The following LRP1B variants were observed in gnomAD, a reference collection of about 807,000 sequenced individuals.
The protein encoded by LRP1B is low-density lipoprotein receptor-related protein 1B.
A neutral mutation model predicts 556.6 loss-of-function variants in LRP1B; 217 were observed. That is an observed-to-expected ratio of 0.39 (90% CI 0.35 to 0.44). The LOEUF is 0.44. Among genes scored for constraint, LRP1B ranks in the 20% least tolerant of loss-of-function variants. The pLI, the probability that LRP1B is intolerant of heterozygous loss-of-function variation, is 1.00. For missense variants in LRP1B, 5,053 were observed against 5,620.8 expected (o/e 0.90, Z 3.23); for synonymous variants, 2,047 against 1,865.8 (o/e 1.10, Z -2.50).
At chr2:142,106,962 C>T (rs559109230) in intron 1 of LRP1B, among the ~76,000 whole-genome samples, 48 of 151,886 alleles carry the variant, frequency 3.2e-4, no homozygotes, top group African/African-American at 1.1e-3. Context: ...ATAATTATAA[C>T]ATTATACATA....
chr2:142,009,718 T>A (rs77712254), intron 1 of LRP1B, among the ~76,000 whole-genome samples: 2,993 of 152,298 alleles, frequency 0.02, 99 homozygotes, highest in African/African-American at 0.068. Context: ...TCTAAGTTCA[T>A]ATATATGTGT....
chr2:140,455,294 C>T (rs145658802), intron 62 of LRP1B, among the ~76,000 whole-genome samples: 45 of 152,162 alleles, frequency 3.0e-4, no homozygotes, highest in African/African-American at 9.2e-4. Context: ...TTTCAAAGAG[C>T]GGTCAGAACC....
At chr2:141,427,720 C>T (rs1680420565) in intron 3 of LRP1B, among the ~76,000 whole-genome samples, 2 of 151,796 alleles carry the variant, frequency 1.3e-5, no homozygotes, top group Non-Finnish European at 2.9e-5. Flanking sequence ...TTAATTGTTT[C>T]TCAAATTAGC....
intron 66 of LRP1B, among the ~76,000 whole-genome samples, chr2:140,440,885 T>C (rs566817354): frequency 7.9e-5 from 12 of 152,266 alleles, no homozygotes; most frequent in East Asian, 3.9e-4. Context: ...ATTTATGCTA[T>C]ATCCACAGAG....
intron 1 of LRP1B, among the ~76,000 whole-genome samples, chr2:142,037,405 GA>G: frequency 6.6e-6 from 1 of 151,702 alleles, no homozygotes; most frequent in East Asian, 1.9e-4. Context: ...AGCAGGTAGA[GA>G]ATCACTTAAG....
chr2:141,777,476 C>T (rs536079966), intron 2 of LRP1B, among the ~76,000 whole-genome samples: 12 of 151,934 alleles, frequency 7.9e-5, no homozygotes, highest in East Asian at 3.9e-4. Context: ...AGTATGGTGG[C>T]GCAGTCTCGG....
chr2:140,631,319 C>G (rs1182885002), intron 41 of LRP1B, among the ~76,000 whole-genome samples: 1 of 152,150 alleles, frequency 6.6e-6, no homozygotes. Flanking sequence ...ACAAAGCATG[C>G]ATCAGAACTG....
At chr2:141,540,890 C>G (rs754295989) in intron 2 of LRP1B, among the ~76,000 whole-genome samples, 1 of 151,828 alleles carries the variant, frequency 6.6e-6, no homozygotes, top group Non-Finnish European at 1.5e-5. Flanking sequence ...GAATCATGCT[C>G]TACATTTTTA....
intron 4 of LRP1B, among the ~76,000 whole-genome samples, chr2:141,251,418 A>T (rs542768292): frequency 5.2e-4 from 79 of 152,296 alleles, no homozygotes; most frequent in African/African-American, 1.9e-3. Context: ...ATAATAAAGG[A>T]GGAGGGGATG....
intron 2 of LRP1B, among the ~76,000 whole-genome samples, chr2:141,566,487 A>G (rs1686335835): frequency 6.6e-6 from 1 of 152,210 alleles, no homozygotes; most frequent in African/African-American, 2.4e-5. Flanking sequence ...TGAACTGTAT[A>G]TCTTCTATCA....
intron 72 of LRP1B, among the ~76,000 whole-genome samples, chr2:140,361,454 C>G (rs1180668256): frequency 3.5e-5 from 5 of 144,058 alleles, no homozygotes; most frequent in African/African-American, 1.3e-4. Context: ...CTACCTGTAT[C>G]TACATGTAGT....
chr2:140,767,585 T>C (rs1048036904), intron 35 of LRP1B, among the ~76,000 whole-genome samples: 3 of 151,738 alleles, frequency 2.0e-5, no homozygotes, highest in Non-Finnish European at 2.9e-5. Context: ...AAGCAAAAGA[T>C]TTCCTAATGA....
At chr2:140,950,088 GAT>G (rs1695667618) in intron 20 of LRP1B, 145 bp downstream of exon 20, 1 of 508,858 alleles carries the variant, frequency 2.0e-6, no homozygotes, top group East Asian at 3.4e-5. Flanking sequence ...AAAGGAAAGA[GAT>G]AGCAAATGAT....
At chr2:140,855,493 G>GTAAAAAAAAAAAAAAA (rs570169727) in intron 27 of LRP1B, among the ~76,000 whole-genome samples, 3 of 99,404 alleles carry the variant, frequency 3.0e-5, no homozygotes, top group South Asian at 3.8e-4. Context: ...TCTCTACTGG[G>GTAAAAAAAAAAAAAAA]AAAAAAAAAA....
chr2:141,833,453 G>A (rs1385393961), intron 1 of LRP1B, among the ~76,000 whole-genome samples: 1 of 151,738 alleles, frequency 6.6e-6, no homozygotes, highest in Admixed American at 6.6e-5. Flanking sequence ...AATTCCAAAT[G>A]CAATATGAAT....
At chr2:141,008,274 T>C (rs1366726649) in intron 14 of LRP1B, among the ~76,000 whole-genome samples, 1 of 151,382 alleles carries the variant, frequency 6.6e-6, no homozygotes, top group African/African-American at 2.4e-5. Flanking sequence ...TTATATTTTA[T>C]TCAATTTTTT....
chr2:140,264,756 C>T (rs1297897536), intron 86 of LRP1B, among the ~76,000 whole-genome samples: 2 of 149,428 alleles, frequency 1.3e-5, no homozygotes, highest in Non-Finnish European at 3.0e-5. Flanking sequence ...AATTTTCCCA[C>T]TGAAATTTAA....
intron 43 of LRP1B, among the ~76,000 whole-genome samples, chr2:140,548,344 G>C (rs1345691323): frequency 6.6e-6 from 1 of 152,112 alleles, no homozygotes; most frequent in African/African-American, 2.4e-5. Context: ...CTGTGAGGAA[G>C]ACATAATCTT....
At chr2:140,831,287 T>G (rs191322098) in intron 31 of LRP1B, among the ~76,000 whole-genome samples, 12 of 151,946 alleles carry the variant, frequency 7.9e-5, no homozygotes, top group Admixed American at 2.0e-4. Context: ...TACAAAGACA[T>G]AGTAAACAAA....
Sources: gnomAD v4.1 joint callset for allele counts (sites outside exome capture counted in the v4.1 genomes callset) on GRCh38, gnomAD v4.1.1 for gene constraint, MANE v1.5 for transcripts, NCBI Gene and HGNC (gene_info 2026-07-23, HGNC 2026-07-21) for gene names.